UBE3D: variants seen among roughly 807,000 people sequenced by gnomAD.
The protein encoded by UBE3D is E3 ubiquitin-protein ligase E3D.
In UBE3D, 48 loss-of-function variants were observed where a neutral mutation model predicts 49.6. The observed-to-expected ratio is 0.97, with a 90% confidence interval of 0.77 to 1.23. The LOEUF (loss-of-function observed/expected upper bound fraction) is 1.23, where lower values mean the gene tolerates loss of function less well. Ranked by LOEUF, UBE3D falls within the 50% of genes most tolerant of loss-of-function variation. UBE3D has a pLI of 0.00. For synonymous variants in UBE3D, 189 were observed against 174.2 expected, an observed-to-expected ratio of 1.08 and a Z score of -0.67; for missense variants, 452 against 468.4, an observed-to-expected ratio of 0.96 and a Z score of 0.32.
At chr6:83,054,316 C>G in intron 2 of UBE3D, 78 bp from the exon 3 acceptor site, 1 of 1,043,292 alleles carries the variant, frequency 9.6e-7, no homozygotes, top group Non-Finnish European at 1.5e-6. Flanking sequence ...TCAATAGCCA[C>G]GATAAATTAC....
chr6:83,024,532 C>A lies in UBE3D; in HGVS notation c.668-494G>T, dbSNP rs762962568. Among the ~76,000 whole-genome samples the A allele has an allele frequency of 1.1e-3, 165 of 152,092 alleles. 3 individuals carry two copies. Among genetic ancestry groups the A allele is most frequent in the Non-Finnish European group, 4.0e-4 (27 of 68,028 alleles). Reference sequence around the variant, plus strand: ...ACTAACGTGGGGATTCTGCCAGCTGCTAAGTGTGTTAATTTGAGTTAAGCA... The same window carrying A: ...ACTAACGTGGGGATTCTGCCAGCTGATAAGTGTGTTAATTTGAGTTAAGCA... On this transcript the variant is annotated intron_variant, in intron 5 of 9. Transcript: ENST00000369747.
rs201058073 is a variant in UBE3D at position 82,908,400 on chromosome 6, T to TA, written c.1150-15359dup. 4.8e-4 allele frequency among the ~76,000 whole-genome samples: 73 copies of TA among 151,342 alleles called. No homozygotes were observed. In the South Asian group the frequency reaches 5.0e-3, roughly 10 times the overall value. On this transcript the variant is annotated intron_variant, in intron 9 of 9. Coordinates refer to ENST00000369747, the MANE Select transcript of UBE3D (RefSeq NM_198920.3). ...GGATGAACAGGACAGCTCTCTACAA[T>TA]AAAAAAAAATCCATCTTAAAATGTC...
intron 1 of UBE3D, among the ~76,000 whole-genome samples, chr6:83,059,348 C>T (rs1784019277): frequency 6.6e-6 from 1 of 152,186 alleles, no homozygotes; most frequent in African/African-American, 2.4e-5. Context: ...CACGCCAATG[C>T]ATGTCAGCCT....
At chr6:82,906,430 A>G (rs971108800) in intron 9 of UBE3D, among the ~76,000 whole-genome samples, 9 of 152,312 alleles carry the variant, frequency 5.9e-5, no homozygotes, top group African/African-American at 2.2e-4. Flanking sequence ...AAACCTGCCC[A>G]TCTTTGTCAG....
At chr6:82,963,615 C>T (rs1235845896) in intron 8 of UBE3D, among the ~76,000 whole-genome samples, 2 of 152,122 alleles carry the variant, frequency 1.3e-5, no homozygotes, top group Admixed American at 6.6e-5. Flanking sequence ...GTCAATTTAG[C>T]CTTTTCATGT....
chr6:82,992,568 G>T (rs891791125), intron 8 of UBE3D, among the ~76,000 whole-genome samples: 3 of 152,146 alleles, frequency 2.0e-5, no homozygotes, highest in African/African-American at 7.2e-5. Context: ...AGGAGAAACT[G>T]AATTTCCCAA....
At chr6:82,903,070 A>G (rs954630527) in intron 9 of UBE3D, among the ~76,000 whole-genome samples, 1 of 152,162 alleles carries the variant, frequency 6.6e-6, no homozygotes, top group South Asian at 2.1e-4. Flanking sequence ...ATGGTGAGAG[A>G]TAATTGCTAT....
At chr6:82,885,453 G>A in the UBE3D span, among the ~76,000 whole-genome samples, 1 of 152,146 alleles carries the variant, frequency 6.6e-6, no homozygotes, top group Non-Finnish European at 1.5e-5. Flanking sequence ...GCCAGGTGCT[G>A]TTCTAGACAT....
At chr6:83,059,851 G>A (rs554145420) in intron 1 of UBE3D, among the ~76,000 whole-genome samples, 1 of 152,306 alleles carries the variant, frequency 6.6e-6, no homozygotes, top group South Asian at 2.1e-4. Context: ...CATCCACCAG[G>A]AGGACCACTC....
At chr6:82,889,732 T>C (rs916104956), downstream of UBE3D, among the ~76,000 whole-genome samples, 1 of 152,100 alleles carries the variant, frequency 6.6e-6, no homozygotes, top group African/African-American at 2.4e-5. Context: ...TTTTGTCTGC[T>C]GCCTCCATGA....
At chr6:82,933,803 G>T (rs1363930167) in intron 9 of UBE3D, among the ~76,000 whole-genome samples, 2 of 152,108 alleles carry the variant, frequency 1.3e-5, no homozygotes, top group African/African-American at 4.8e-5. Context: ...TAAAATGAGA[G>T]AATTCCAACT....
chr6:82,894,247 G>A (rs796308017), intron 9 of UBE3D, among the ~76,000 whole-genome samples: 18 of 151,994 alleles, frequency 1.2e-4, no homozygotes, highest in African/African-American at 2.9e-4. Flanking sequence ...ATGGGGGTTC[G>A]GACCATGAGA....
intron 3 of UBE3D, among the ~76,000 whole-genome samples, chr6:83,051,171 AAAATAGGCCTTATT>A (rs1265994820): frequency 6.6e-6 from 1 of 152,222 alleles, no homozygotes; most frequent in African/African-American, 2.4e-5. Flanking sequence ...ACAAGTTTGG[AAAATAGGCCTTATT>A]AGAAGGCTGT....
chr6:82,961,304 G>A (rs1234139310), intron 8 of UBE3D, among the ~76,000 whole-genome samples: 2 of 152,246 alleles, frequency 1.3e-5, no homozygotes, highest in East Asian at 1.9e-4. Context: ...CTTCAGTCTT[G>A]TAAGCCTAAG....
chr6:83,023,946 T>TA (rs780371636), intron 6 of UBE3D, 23 bp downstream of exon 6: 1 of 1,408,694 alleles, frequency 7.1e-7, no homozygotes, highest in South Asian at 1.4e-5. Context: ...TACAAATAAA[T>TA]AAATGTAATT....
At chr6:83,024,483 T>A (rs1482403635) in intron 5 of UBE3D, among the ~76,000 whole-genome samples, 1 of 152,204 alleles carries the variant, frequency 6.6e-6, no homozygotes, top group Non-Finnish European at 1.5e-5. Context: ...TCTACCATAA[T>A]AGCCTCAATA....
downstream of UBE3D, among the ~76,000 whole-genome samples, chr6:82,891,823 C>T (rs898744699): frequency 8.5e-5 from 13 of 152,098 alleles, no homozygotes; most frequent in African/African-American, 1.2e-4. Flanking sequence ...ATCAGGAGTT[C>T]GAGACCAGCC....
At chr6:82,955,062 A>C (rs1052066700) in intron 9 of UBE3D, among the ~76,000 whole-genome samples, 3 of 152,224 alleles carry the variant, frequency 2.0e-5, no homozygotes, top group African/African-American at 7.2e-5. Flanking sequence ...TAACATTCAG[A>C]CCGCTCTAAG....
Position 82,958,523 on chromosome 6 carries a change from A to C in UBE3D, c.1011-1073T>G, listed in dbSNP as rs538304046. On this transcript the variant is annotated intron_variant, in intron 8 of 9. Transcript: ENST00000369747. The stretch of plus-strand genomic sequence containing the variant: ...GTTTGGGACATAATGGATTTTAAAT[A>C]ATTTACAGAACAAGTCATGGCAAAT... 4.7e-4 allele frequency among the ~76,000 whole-genome samples: 72 copies of C among 152,322 alleles called. No individual in the cohort carries two copies. In the South Asian group the frequency reaches 7.9e-3, roughly 17 times the overall value.
Sources: allele counts gnomAD v4.1 joint callset (sites outside exome capture counted in the v4.1 genomes callset), GRCh38; gene constraint gnomAD v4.1.1; transcripts MANE v1.5; gene names NCBI Gene and HGNC (gene_info 2026-07-23, HGNC 2026-07-21).